Variants in ADGRF5 observed in about 807,000 individuals in gnomAD.
The protein encoded by ADGRF5 is G-protein coupled receptor 116.
In ADGRF5, 75 loss-of-function variants were observed where a neutral mutation model predicts 132.3. That is an observed-to-expected ratio of 0.57 (90% CI 0.47 to 0.69). ADGRF5 has a LOEUF of 0.69. Ranked by LOEUF, ADGRF5 falls within the 30% of genes least tolerant of loss-of-function variation. The pLI is 0.00. For synonymous variants in ADGRF5, 629 were observed against 597.6 expected, an observed-to-expected ratio of 1.05 and a Z score of -0.77; for missense variants, 1,516 against 1,630.6, an observed-to-expected ratio of 0.93 and a Z score of 1.21.
intron 3 of ADGRF5, among the ~76,000 whole-genome samples, chr6:46,893,173 A>G (rs1773840606): frequency 6.9e-6 from 1 of 145,584 alleles, no homozygotes; most frequent in East Asian, 2.1e-4. Flanking sequence ...AGCTCTCTGG[A>G]TAATGTCACT....
intron 1 of ADGRF5, among the ~76,000 whole-genome samples, chr6:46,948,177 C>T (rs13205637): frequency 0.028 from 4,232 of 152,232 alleles, 84 homozygotes; most frequent in Middle Eastern, 0.058. Context: ...ACAAATTGGC[C>T]TTCTTTTCCT....
Position 46,877,392 on chromosome 6 carries a change from C to CT in ADGRF5, c.1240+809dup, listed in dbSNP as rs1441590503. Among the ~76,000 whole-genome samples the CT allele has an allele frequency of 1.2e-3, 155 of 129,804 alleles. 2 individuals carry two copies. The highest frequency in any genetic ancestry group is 2.2e-3 in the Non-Finnish European group (132 of 59,408). The allele number at this position is 129,804 out of a possible 152,430, so 85.2% of individuals were successfully genotyped here. A position where few individuals can be genotyped will look rare whatever the true frequency, so the allele number is the denominator to read the frequency against. ...TTCTTTCTTTCTTTCTTTCTTCTTT[C>CT]TTTTTTTTCATATTTGACAACCTTG... On this transcript the variant is annotated intron_variant, in intron 10 of 20. Coordinates refer to ENST00000283296, the MANE Select transcript of ADGRF5 (RefSeq NM_001098518.2).
chr6:46,858,144 G>T lies in ADGRF5; in HGVS notation c.3759C>A (p.Ile1253=), dbSNP rs1769270309. 6.2e-7 allele frequency: 1 copy of T among 1,611,264 alleles called. No homozygotes were observed. The highest frequency in any genetic ancestry group is 8.5e-7 in the Non-Finnish European group (1 of 1,178,116). Residue 1253 remains isoleucine, a synonymous_variant, in exon 17 of 21, where the codon ATC becomes ATA. Transcript: ENST00000283296. ...TNLVFHIIFA[I]LNVFQGLFIL... is the part of the protein sequence containing the mutation. ...TAAAACTCACCTGGAAGACATTGAGGATGGCAAATATGATATGGAACACAA... is the reference window on the plus strand; with the variant it reads ...TAAAACTCACCTGGAAGACATTGAGTATGGCAAATATGATATGGAACACAA...
At position 46,896,212 on chromosome 6, in the gene ADGRF5, G is replaced by A. The variant is rs995522039; in HGVS notation, c.157+3817C>T. On this transcript the variant is annotated intron_variant, in intron 3 of 20. Coordinates refer to ENST00000283296, the MANE Select transcript of ADGRF5 (RefSeq NM_001098518.2). ...CATCAGTCACCTCTCTGTGGCAGCC[G>A]CTCAGCTGATCCAGAATCTACTTCC... 4.6e-5 allele frequency among the ~76,000 whole-genome samples: 7 copies of A among 152,046 alleles called. 1 individual carries two copies. Among genetic ancestry groups the A allele is most frequent in the African/African-American group, 7.2e-5 (3 of 41,402 alleles).
chr6:46,889,040 A>G (rs1773349646), intron 3 of ADGRF5, among the ~76,000 whole-genome samples: 1 of 152,058 alleles, frequency 6.6e-6, no homozygotes, highest in South Asian at 2.1e-4. Flanking sequence ...ATTGGATAGT[A>G]AAATAAAAGA....
At chr6:46,882,796 C>T (rs181994613) in intron 6 of ADGRF5, among the ~76,000 whole-genome samples, 65 of 152,310 alleles carry the variant, frequency 4.3e-4, no homozygotes, top group Middle Eastern at 6.8e-3. Context: ...TCTTCTGAAG[C>T]GGCACTTCAT....
At chr6:46,890,237 C>T (rs1050137519) in intron 3 of ADGRF5, among the ~76,000 whole-genome samples, 1 of 151,944 alleles carries the variant, frequency 6.6e-6, no homozygotes, top group Non-Finnish European at 1.5e-5. Context: ...GGACTACAAG[C>T]TCATACCATC....
At chr6:46,907,395 G>A (rs1342147131) in intron 1 of ADGRF5, among the ~76,000 whole-genome samples, 5 of 151,478 alleles carry the variant, frequency 3.3e-5, no homozygotes, top group Non-Finnish European at 7.4e-5. Flanking sequence ...TTTTGAGACA[G>A]GGTTTCACTC....
At chr6:46,930,790 C>A (rs186237736) in intron 1 of ADGRF5, among the ~76,000 whole-genome samples, 1 of 152,180 alleles carries the variant, frequency 6.6e-6, no homozygotes, top group Non-Finnish European at 1.5e-5. Context: ...CGGCAGCTCA[C>A]GCCTGTAATC....
intron 1 of ADGRF5, among the ~76,000 whole-genome samples, chr6:46,942,707 T>C (rs556809248): frequency 2.6e-5 from 4 of 152,340 alleles, no homozygotes; most frequent in African/African-American, 9.6e-5. Context: ...ATAGTCTCTC[T>C]ATTTCTCTTT....
chr6:46,914,865 GTTTT>G (rs980578592), intron 1 of ADGRF5, among the ~76,000 whole-genome samples: 2 of 151,242 alleles, frequency 1.3e-5, no homozygotes, highest in African/African-American at 4.9e-5. Context: ...TTGTTTGTTT[GTTTT>G]TTTTGAGACG....
chr6:46,868,785 T>A (rs564677945), intron 12 of ADGRF5, 98 bp downstream of exon 12: 1 of 728,272 alleles, frequency 1.4e-6, no homozygotes, highest in African/African-American at 1.8e-5. Context: ...GTGGTTGGCA[T>A]AGGCATGTCT....
chr6:46,905,973 T>C (rs1775320118), intron 2 of ADGRF5, among the ~76,000 whole-genome samples: 3 of 152,222 alleles, frequency 2.0e-5, no homozygotes, highest in East Asian at 1.9e-4. Context: ...CAGAGAGAAT[T>C]ACATCAGTCT....
intron 14 of ADGRF5, among the ~76,000 whole-genome samples, chr6:46,864,556 T>TCA (rs1770178107): frequency 6.7e-6 from 1 of 150,208 alleles, no homozygotes; most frequent in South Asian, 2.1e-4. Context: ...AGACGGAATC[T>TCA]CTCTGTCGCC....
intron 3 of ADGRF5, among the ~76,000 whole-genome samples, chr6:46,896,260 G>A (rs940514088): frequency 6.6e-6 from 1 of 152,044 alleles, no homozygotes; most frequent in Non-Finnish European, 1.5e-5. Flanking sequence ...GACATGACTC[G>A]GGATCTTTCC....
At chr6:46,934,159 T>C (rs1239307902) in intron 1 of ADGRF5, among the ~76,000 whole-genome samples, 1 of 152,110 alleles carries the variant, frequency 6.6e-6, no homozygotes, top group African/African-American at 2.4e-5. Context: ...CTCTTGCCCC[T>C]GAGTCACCCG....
chr6:46,920,218 A>G (rs1776793429), intron 1 of ADGRF5, among the ~76,000 whole-genome samples: 1 of 152,214 alleles, frequency 6.6e-6, no homozygotes, highest in Non-Finnish European at 1.5e-5. Flanking sequence ...CTAATTGGCA[A>G]ATCTAGAATT....
chr6:46,856,872 G>C lies in ADGRF5; in HGVS notation c.3811C>G (p.Leu1271Val). The change falls in exon 18 of 21, where the codon CTG becomes GTG. Residue 1271 changes from leucine (L) to valine (V), a missense_variant. By Grantham distance (32) the Leu-to-Val change is conservative (BLOSUM62 1). This residue lies in a region of ADGRF5 where 571 missense variants were observed against 701.2 expected (regional missense o/e 0.81). Coordinates refer to ENST00000283296, the MANE Select transcript of ADGRF5 (RefSeq NM_001098518.2). ...GAAACTGTCATTGCTCTTACCTTCA[G>C]ATCCCAGAGGCATCCAAAGAGTAAA... ...FILLFGCLWD[L>V]KVQEALLNKF... 4 of 1,609,920 alleles carry C rather than the reference G, an allele frequency of 2.5e-6. No homozygotes were observed. Among genetic ancestry groups the C allele is most frequent in the Non-Finnish European group, 3.4e-6 (4 of 1,178,064 alleles).
rs1768681241 is a variant in ADGRF5 at position 46,853,308 on chromosome 6, T to A, written c.*684A>T. 6.6e-6 allele frequency: 1 copy of A among 152,182 alleles called. No individual in the cohort carries two copies. The highest frequency in any genetic ancestry group is 1.5e-5 in the Non-Finnish European group (1 of 68,034). The allele number at this position is 152,182 out of a possible 1,614,324, so 9.4% of individuals were successfully genotyped here. A position where few individuals can be genotyped will look rare whatever the true frequency, so the allele number is the denominator to read the frequency against. On this transcript the variant is annotated 3_prime_UTR_variant, in exon 21 of 21. Coordinates refer to ENST00000283296, the MANE Select transcript of ADGRF5 (RefSeq NM_001098518.2). ...TCTGATGAAGGAATTTCCTCCCTATTTTTTCAGCCTTTTTTTCCTCCTCTT... is the reference window on the plus strand; with the variant it reads ...TCTGATGAAGGAATTTCCTCCCTATATTTTCAGCCTTTTTTTCCTCCTCTT...
Sources: gnomAD v4.1 joint callset for allele counts (sites outside exome capture counted in the v4.1 genomes callset) on GRCh38, gnomAD v4.1.1 for gene constraint, gnomAD v4.1.1 regional missense constraint, MANE v1.5 for transcripts, NCBI Gene and HGNC (gene_info 2026-07-23, HGNC 2026-07-21) for gene names.